Variants in PCDHGA1 observed in about 807,000 individuals in gnomAD.
PCDHGA1 encodes the protein protocadherin gamma subfamily A, 1, also known as protocadherin gamma-A1.
PCDHGA1 carries 32 observed loss-of-function variants against 58.0 expected under a neutral mutation model. That is an observed-to-expected ratio of 0.55 (90% confidence interval 0.42 to 0.74). PCDHGA1 has a LOEUF of 0.74. PCDHGA1 is among the 30% of genes least tolerant of loss of function. The pLI, the probability that PCDHGA1 is intolerant of heterozygous loss-of-function variation, is 0.00. For synonymous variants in PCDHGA1, 498 were observed against 501.1 expected (o/e 0.99, Z 0.08); for missense variants, 1,205 against 1,182.3 (o/e 1.02, Z -0.28).
intron 1 of PCDHGA1, among the ~76,000 whole-genome samples, chr5:141,337,537 G>A (rs1324474100): frequency 1.3e-5 from 2 of 152,194 alleles, no homozygotes; most frequent in African/African-American, 4.8e-5. Context: ...GACAAATACT[G>A]TATGATTCCT....
At chr5:141,362,716 C>G (rs1286342782) in intron 1 of PCDHGA1, 6 of 905,252 alleles carry the variant, frequency 6.6e-6, no homozygotes, top group Non-Finnish European at 9.7e-6. Flanking sequence ...TGTTTTCTCT[C>G]TGAAGTGTGA....
chr5:141,345,739 C>T, intron 1 of PCDHGA1: 2 of 1,614,240 alleles, frequency 1.2e-6, no homozygotes, highest in Non-Finnish European at 1.7e-6. Flanking sequence ...GCCCTCCCCA[C>T]AGACGGTTCC....
At chr5:141,505,666 G>T (rs904221281) in intron 3 of PCDHGA1, among the ~76,000 whole-genome samples, 185 bp downstream of exon 3, 3 of 152,180 alleles carry the variant, frequency 2.0e-5, no homozygotes, top group Non-Finnish European at 4.4e-5. Context: ...ACAGCAGAGG[G>T]GTTGGGGGTC....
Position 141,370,669 on chromosome 5 carries a change from G to T in PCDHGA1, c.2421+37564G>T, listed in dbSNP as rs370792537. 8.7e-6 allele frequency: 14 copies of T among 1,613,790 alleles called. No homozygotes were observed. The highest frequency in any genetic ancestry group is 1.1e-5 in the Non-Finnish European group (13 of 1,179,912). On this transcript the variant is annotated intron_variant, in intron 1 of 3. Coordinates refer to ENST00000517417, the MANE Select transcript of PCDHGA1 (RefSeq NM_018912.3). ...TTACTTGTGAGCGACCGTATAGACCGAGAGGAGATTTGTGGCAAGAAGTCG... is the reference window on the plus strand; with the variant it reads ...TTACTTGTGAGCGACCGTATAGACCTAGAGGAGATTTGTGGCAAGAAGTCG...
At chr5:141,348,904 T>C (rs990008053) in intron 1 of PCDHGA1, among the ~76,000 whole-genome samples, 5 of 152,140 alleles carry the variant, frequency 3.3e-5, no homozygotes, top group Non-Finnish European at 7.4e-5. Context: ...GCATTTGAAA[T>C]AAAGGGATTT....
At chr5:141,361,528 A>G (rs751857437) in intron 1 of PCDHGA1, 1 of 1,614,024 alleles carries the variant, frequency 6.2e-7, no homozygotes, top group Non-Finnish European at 8.5e-7. Context: ...GGCAGAGAAC[A>G]ATCCTCCTGG....
Position 141,493,689 on chromosome 5 carries a change from C to A in PCDHGA1, c.2422-1118C>A, listed in dbSNP as rs2099749557. The stretch of plus-strand genomic sequence containing the variant: ...GGCAGCCCCAGAATGGTGCTGGTGA[C>A]TCCCGATACACCTGGAATGCTAGGT... On this transcript the variant is annotated intron_variant, in intron 1 of 3. Transcript: ENST00000517417. The surrounding 1 kb of genome is among the most constrained non-coding windows in gnomAD (Gnocchi z 4.3). Among the ~76,000 whole-genome samples the A allele has an allele frequency of 6.6e-6, 1 of 152,218 alleles. No homozygotes were observed. The highest frequency in any genetic ancestry group is 2.4e-5 in the African/African-American group (1 of 41,450).
chr5:141,482,601 A>T (rs1158399317), intron 1 of PCDHGA1, among the ~76,000 whole-genome samples: 1 of 152,002 alleles, frequency 6.6e-6, no homozygotes, highest in Non-Finnish European at 1.5e-5. Flanking sequence ...ACGGGAAAAA[A>T]CACCTAAATG....
intron 1 of PCDHGA1, chr5:141,399,316 T>C (rs1281033457): frequency 6.2e-7 from 1 of 1,613,772 alleles, no homozygotes; most frequent in Non-Finnish European, 8.5e-7. Flanking sequence ...ATCCAAAAAT[T>C]CGTATAAGTT....
chr5:141,351,522 C>A, intron 1 of PCDHGA1: 2 of 1,614,018 alleles, frequency 1.2e-6, no homozygotes, highest in South Asian at 1.1e-5. Context: ...ATCATAGCCA[C>A]CGACAAGGGC....
At chr5:141,385,539 T>C in intron 1 of PCDHGA1, 1 of 1,340,130 alleles carries the variant, frequency 7.5e-7, no homozygotes, top group East Asian at 2.8e-5. Flanking sequence ...TATGAATATG[T>C]GGACTATCAC....
intron 1 of PCDHGA1, among the ~76,000 whole-genome samples, chr5:141,457,863 C>A (rs2098930968): frequency 6.6e-6 from 1 of 152,194 alleles, no homozygotes; most frequent in Non-Finnish European, 1.5e-5. Flanking sequence ...TCTTCACTGA[C>A]CACAGGTTAG....
At chr5:141,454,320 C>G (rs140074578) in intron 1 of PCDHGA1, among the ~76,000 whole-genome samples, 4 of 152,148 alleles carry the variant, frequency 2.6e-5, no homozygotes, top group Admixed American at 2.6e-4. Context: ...ATTGAAACCT[C>G]CAAGAATAAA....
intron 1 of PCDHGA1, chr5:141,405,363 C>G (rs765508317): frequency 5.0e-6 from 8 of 1,613,808 alleles, no homozygotes; most frequent in Non-Finnish European, 6.8e-6. Context: ...ATAGAAGACA[C>G]CCCTTTGGTT....
chr5:141,414,843 G>T (rs2095794241), intron 1 of PCDHGA1: 1 of 1,614,100 alleles, frequency 6.2e-7, no homozygotes, highest in Admixed American at 1.7e-5. Context: ...GCCTGTTTGT[G>T]CTGGACCAGA....
In PCDHGA1 at chr5:141,331,508, G is replaced by T; in HGVS notation, c.824G>T (p.Gly275Val). 3 of 1,614,132 alleles carry T rather than the reference G, an allele frequency of 1.9e-6. No homozygotes were observed. Among genetic ancestry groups the T allele is most frequent in the Non-Finnish European group, 2.5e-6 (3 of 1,180,048 alleles). The change falls in exon 1 of 4, where the codon GGG becomes GTG. Residue 275 changes from glycine to valine, a missense_variant. Gly to Val is a moderately radical substitution (Grantham distance 109). Transcript: ENST00000517417. Reference sequence around the variant, plus strand: ...ACTGACCCTGATGAGGGAGCCAATGGGGAAGTAACGTACTCCTTTCACAAT... The same window carrying T: ...ACTGACCCTGATGAGGGAGCCAATGTGGAAGTAACGTACTCCTTTCACAAT... ...NATDPDEGAN[G>V]EVTYSFHNVD...
chr5:141,358,582 C>G (rs554768302), intron 1 of PCDHGA1, among the ~76,000 whole-genome samples: 44 of 152,264 alleles, frequency 2.9e-4, no homozygotes, highest in Non-Finnish European at 5.4e-4. Flanking sequence ...TGTGTGATTC[C>G]TCTGGTGCAC....
chr5:141,371,078 C>G (rs776361776), intron 1 of PCDHGA1: 7 of 1,613,888 alleles, frequency 4.3e-6, no homozygotes, highest in Non-Finnish European at 5.9e-6. Context: ...CCACCCAGAT[C>G]AGGGTAATTG....
chr5:141,366,205 G>T (rs1203198525), intron 1 of PCDHGA1: 2 of 1,613,726 alleles, frequency 1.2e-6, no homozygotes, highest in Non-Finnish European at 1.7e-6. Flanking sequence ...ACACGGGCGA[G>T]GTGCGCACAG....
Sources: gnomAD v4.1 joint callset for allele counts (sites outside exome capture counted in the v4.1 genomes callset) on GRCh38, gnomAD v4.1.1 for gene constraint, Gnocchi (gnomAD v3.1) non-coding constraint, MANE v1.5 for transcripts, NCBI Gene and HGNC (gene_info 2026-07-23, HGNC 2026-07-21) for gene names.